Variants in TRIM3 observed in about 807,000 individuals in gnomAD.
TRIM3 encodes the protein tripartite motif containing 3.
TRIM3 carries 13 observed loss-of-function variants against 66.6 expected under a neutral mutation model. The ratio of observed to expected loss-of-function variants is 0.20; its 90% CI spans 0.13 to 0.31. The LOEUF is 0.31. TRIM3 is among the 10% of genes least tolerant of loss of function. The pLI is 1.00. For synonymous variants in TRIM3, 406 were observed against 411.7 expected (o/e 0.99, Z 0.17); for missense variants, 711 against 1,020.4 (o/e 0.70, Z 4.13).
At chr11:6,459,152 C>T (rs1850116111) in intron 2 of TRIM3, among the ~76,000 whole-genome samples, 1 of 152,058 alleles carries the variant, frequency 6.6e-6, no homozygotes, top group African/African-American at 2.4e-5. Flanking sequence ...TTAGCCTGAC[C>T]AAAGAATGGT....
chr11:6,463,926 C>T (rs143432611), intron 2 of TRIM3, among the ~76,000 whole-genome samples: 2 of 152,160 alleles, frequency 1.3e-5, no homozygotes, highest in Non-Finnish European at 2.9e-5. Context: ...GGCAGTGGAG[C>T]TGGAATCTCA....
chr11:6,454,429 C>T (rs1849880906), intron 7 of TRIM3, among the ~76,000 whole-genome samples: 1 of 151,490 alleles, frequency 6.6e-6, no homozygotes, highest in South Asian at 2.1e-4. Flanking sequence ...GCCCCCTCAC[C>T]AGGACAGACA....
At position 6,457,447 on chromosome 11, in the gene TRIM3, A is replaced by G. The variant is rs372591012; in HGVS notation, c.545T>C (p.Leu182Ser). The change falls in exon 5 of 12, where the codon TTA becomes TCA. Residue 182 changes from leucine to serine, a missense_variant. Physicochemically the swap from Leu to Ser is moderately radical, Grantham distance 145 (BLOSUM62 -2). This residue lies in a region of TRIM3 where 399 missense variants were observed against 458.1 expected (regional missense o/e 0.87). Coordinates refer to ENST00000345851, the MANE Select transcript of TRIM3 (RefSeq NM_033278.4). This position sits in a 1 kb window ranked among gnomAD's most constrained non-coding sequence, Gnocchi z 4.5. The part of the protein sequence containing the change: ...RLPQLSAAIA[L>S]VGGISQQLQE... Reference sequence around the variant, plus strand: ...CAGCTGCTGGCTGATGCCCCCGACTAAGGCAATTGCTGCGGACAGCTGTGG... The same window carrying G: ...CAGCTGCTGGCTGATGCCCCCGACTGAGGCAATTGCTGCGGACAGCTGTGG... 5 of 1,613,110 alleles carry G rather than the reference A, an allele frequency of 3.1e-6. No individual in the cohort carries two copies. The highest frequency in any genetic ancestry group is 4.2e-6 in the Non-Finnish European group (5 of 1,180,000).
intron 1 of TRIM3, among the ~76,000 whole-genome samples, chr11:6,472,653 G>A (rs1749911921): frequency 6.6e-6 from 1 of 152,210 alleles, no homozygotes; most frequent in Non-Finnish European, 1.5e-5. Flanking sequence ...GTATATGTTG[G>A]TTACAGGAGA....
In TRIM3 at chr11:6,457,887, C is replaced by G; in HGVS notation, c.364-40G>C. On this transcript the variant is annotated intron_variant, in intron 3 of 11. Coordinates refer to ENST00000345851, the MANE Select transcript of TRIM3 (RefSeq NM_033278.4). The surrounding 1 kb of genome is among the most constrained non-coding windows in gnomAD (Gnocchi z 4.5). ...CTCCAGTCGGGTAATGGCTAGACATCACACTTCTTTGTCCCCTCCCCACCT... is the reference window on the plus strand; with the variant it reads ...CTCCAGTCGGGTAATGGCTAGACATGACACTTCTTTGTCCCCTCCCCACCT... 2 of 1,611,662 alleles carry G rather than the reference C, an allele frequency of 1.2e-6. No individual in the cohort carries two copies. Among genetic ancestry groups the G allele is most frequent in the South Asian group, 2.2e-5 (2 of 90,850 alleles).
chr11:6,450,381 C>T lies in TRIM3; in HGVS notation c.1941+170G>A. ...TTTGCTTTGTGCATCACTGTATCTC[C>T]AGCTTCTAGCATACTGCCTGGGACA... On this transcript the variant is annotated intron_variant, in intron 10 of 11. Transcript: ENST00000345851. The surrounding 1 kb of genome is among the most constrained non-coding windows in gnomAD (Gnocchi z 4.8). 5 of 628,340 alleles carry T rather than the reference C, an allele frequency of 8.0e-6. No individual in the cohort carries two copies. Among genetic ancestry groups the T allele is most frequent in the Non-Finnish European group, 2.8e-6 (1 of 352,428 alleles). The allele number at this position is 628,340 out of a possible 1,614,324, so 38.9% of individuals were successfully genotyped here.
In TRIM3 at chr11:6,472,758, A is replaced by G. The variant is rs1286974770; in HGVS notation, c.-38+1033T>C. On this transcript the variant is annotated intron_variant, in intron 1 of 11. Transcript: ENST00000345851. Reference sequence around the variant, plus strand: ...AGTGAATAAAGTCCCAAGAAGAGAGACCTCTGCTTAATATAAGGAAGCTTT... The same window carrying G: ...AGTGAATAAAGTCCCAAGAAGAGAGGCCTCTGCTTAATATAAGGAAGCTTT... 2.6e-5 allele frequency among the ~76,000 whole-genome samples: 4 copies of G among 152,242 alleles called. No homozygotes were observed. In the South Asian group the frequency reaches 6.2e-4, roughly 24 times the overall value.
At chr11:6,462,327 A>C (rs924259290) in intron 2 of TRIM3, among the ~76,000 whole-genome samples, 9 of 152,242 alleles carry the variant, frequency 5.9e-5, no homozygotes, top group South Asian at 2.1e-4. Flanking sequence ...ACTAGTTGAC[A>C]GTGAAGGCTC....
chr11:6,460,720 G>A (rs185612717), intron 2 of TRIM3, among the ~76,000 whole-genome samples: 19 of 152,190 alleles, frequency 1.2e-4, no homozygotes, highest in African/African-American at 4.6e-4. Context: ...CAAATTTGTG[G>A]AGTGAAGATC....
Position 6,457,915 on chromosome 11 carries a change from C to G in TRIM3, c.364-68G>C. 1 of 1,589,706 alleles carries G rather than the reference C, an allele frequency of 6.3e-7. No individual in the cohort carries two copies. The highest frequency in any genetic ancestry group is 8.6e-7 in the Non-Finnish European group (1 of 1,165,110). On this transcript the variant is annotated intron_variant, in intron 3 of 11. Coordinates refer to ENST00000345851, the MANE Select transcript of TRIM3 (RefSeq NM_033278.4). The surrounding 1 kb of genome is among the most constrained non-coding windows in gnomAD (Gnocchi z 4.5). ...ACTTCTTTGTCCCCTCCCCACCTGCCCTCCCTGCCCCTCACCTTCTAAGTG... is the reference window on the plus strand; with the variant it reads ...ACTTCTTTGTCCCCTCCCCACCTGCGCTCCCTGCCCCTCACCTTCTAAGTG...
chr11:6,449,359 C>T lies in TRIM3; in HGVS notation c.2029G>A (p.Val677Met). ...GQFNAPTGVA[V>M]DSNGNIIVAD... ...ACAATGATGTTTCCATTGGAGTCCA[C>T]AGCTACTCCTGTGGGGGCATTGAAC... The change falls in exon 11 of 12, where the codon GTG (valine) becomes ATG (methionine). Residue 677 changes from valine to methionine, a missense_variant. Around this residue, in one of 3 missense-constraint regions of TRIM3, gnomAD observed 163 missense variants for 321.9 expected, o/e 0.51. Transcript: ENST00000345851. The surrounding 1 kb of genome is among the most constrained non-coding windows in gnomAD (Gnocchi z 5.3). 1 of 1,614,136 alleles carries T rather than the reference C, an allele frequency of 6.2e-7. No homozygotes were observed. The highest frequency in any genetic ancestry group is 2.2e-5 in the East Asian group (1 of 44,884).
At chr11:6,471,848 AGAAAC>A (rs1850695939) in intron 1 of TRIM3, among the ~76,000 whole-genome samples, 1 of 152,240 alleles carries the variant, frequency 6.6e-6, no homozygotes, top group Non-Finnish European at 1.5e-5. Context: ...CAGTGAGTAA[AGAAAC>A]AGAAACATGA....
chr11:6,465,764 C>A, intron 1 of TRIM3, 32 bp from the exon 2 acceptor site: 1 of 1,588,582 alleles, frequency 6.3e-7, no homozygotes, highest in Non-Finnish European at 8.6e-7. Flanking sequence ...ACCAGGGAGT[C>A]CAGAACTTCT....
At chr11:6,463,102 G>A (rs1394319324) in intron 2 of TRIM3, among the ~76,000 whole-genome samples, 2 of 152,120 alleles carry the variant, frequency 1.3e-5, no homozygotes, top group African/African-American at 4.8e-5. Flanking sequence ...CTACTTGGGA[G>A]GCTGAGGCAG....
At chr11:6,459,995 T>C (rs1850153993) in intron 2 of TRIM3, among the ~76,000 whole-genome samples, 1 of 152,104 alleles carries the variant, frequency 6.6e-6, no homozygotes, top group Admixed American at 6.5e-5. Flanking sequence ...TCGGTAGCAC[T>C]GGGAGAGGAT....
intron 2 of TRIM3, among the ~76,000 whole-genome samples, chr11:6,460,267 G>A (rs1041207872): frequency 1.3e-5 from 2 of 152,198 alleles, no homozygotes; most frequent in Non-Finnish European, 2.9e-5. Flanking sequence ...GGGAAAACAG[G>A]GAGGGAGTGG....
rs570070238 is a variant in TRIM3, at chr11:6,455,664, C to T, written c.1533+408G>A. Among the ~76,000 whole-genome samples, 282 of 152,274 alleles carry T rather than the reference C, an allele frequency of 1.9e-3. 1 individual carries two copies. Among genetic ancestry groups the T allele is most frequent in the African/African-American group, 6.4e-3 (267 of 41,558 alleles). ...AACTGCAGAGACTCCAGACAGACTA[C>T]ATACATTCAGGAGCCAGGCATGCAT... On this transcript the variant is annotated intron_variant, in intron 7 of 11. Coordinates refer to ENST00000345851, the MANE Select transcript of TRIM3 (RefSeq NM_033278.4).
At chr11:6,453,301 A>T (rs971273886) in intron 7 of TRIM3, 3 of 152,210 alleles carry the variant, frequency 2.0e-5, no homozygotes, top group Non-Finnish European at 4.4e-5. Flanking sequence ...CTGAATGGCA[A>T]CACCATCTAC....
At chr11:6,459,281 T>C (rs1850121727) in intron 2 of TRIM3, among the ~76,000 whole-genome samples, 1 of 152,182 alleles carries the variant, frequency 6.6e-6, no homozygotes, top group African/African-American at 2.4e-5. Flanking sequence ...AGGCAAGGAA[T>C]GGTGACAGAA....
Sources: gnomAD v4.1 joint callset for allele counts (sites outside exome capture counted in the v4.1 genomes callset) on GRCh38, gnomAD v4.1.1 for gene constraint, gnomAD v4.1.1 regional missense constraint, Gnocchi (gnomAD v3.1) non-coding constraint, MANE v1.5 for transcripts, NCBI Gene and HGNC (gene_info 2026-07-23, HGNC 2026-07-21) for gene names.